Variants in COPS5 observed in about 807,000 individuals in gnomAD.
COPS5 encodes the protein COP9 signalosome complex subunit 5.
In COPS5, 8 loss-of-function variants were observed where a neutral mutation model predicts 44.4. The ratio of observed to expected loss-of-function variants is 0.18; its 90% CI spans 0.11 to 0.32. COPS5 has a LOEUF of 0.32. Ranked by LOEUF, COPS5 falls within the 10% of genes least tolerant of loss-of-function variation. The probability of loss-of-function intolerance (pLI) is 1.00; values close to 1 mark genes in which losing one functional copy is unlikely to be tolerated. For missense variants in COPS5, 159 were observed against 406.4 expected, an observed-to-expected ratio of 0.39 and a Z score of 5.23; for synonymous variants, 122 against 142.8, an observed-to-expected ratio of 0.85 and a Z score of 1.04.
intron 5 of COPS5, among the ~76,000 whole-genome samples, chr8:67,055,583 G>A (rs139351800): frequency 6.6e-6 from 1 of 151,986 alleles, no homozygotes; most frequent in Non-Finnish European, 1.5e-5. Context: ...AAAAAGGTAC[G>A]TAGGCCGGGC....
Position 67,057,534 on chromosome 8 carries a change from A to G in COPS5, c.508-89T>C. 4 of 813,776 alleles carry G rather than the reference A, an allele frequency of 4.9e-6. No individual in the cohort carries two copies. In the South Asian group the frequency reaches 7.0e-5, roughly 14 times the overall value. 50.4% of individuals were successfully genotyped at this position (813,776 alleles called of 1,614,324 possible). On this transcript the variant is annotated intron_variant, in intron 3 of 7. Transcript: ENST00000357849. ...TAAACCTAGAAATGTATACATACAT[A>G]TAACACTATATACATACATAATAAC... is the stretch of plus-strand genomic sequence containing the variant.
rs5892073 is a variant in COPS5 at position 67,050,614 on chromosome 8, AGTGTGT to A, written c.771+610_771+615del. Among the ~76,000 whole-genome samples, 1,191 of 141,144 alleles carry A rather than the reference AGTGTGT, an allele frequency of 8.4e-3. 17 individuals carry two copies. Among genetic ancestry groups the A allele is most frequent in the African/African-American group, 0.02 (774 of 38,226 alleles). 92.6% of individuals were successfully genotyped at this position (141,144 alleles called of 152,430 possible). ...TGACCTGGAAATATGTGAGTGTGAGAGTGTGTGTGTGTGTGTGTGTGTGTGTGTATC... is the reference window on the plus strand; with the variant it reads ...TGACCTGGAAATATGTGAGTGTGAGAGTGTGTGTGTGTGTGTGTGTGTATC... On this transcript the variant is annotated intron_variant, in intron 6 of 7. Transcript: ENST00000357849.
At chr8:67,053,015 A>T (rs1236762978) in intron 5 of COPS5, among the ~76,000 whole-genome samples, 1 of 151,964 alleles carries the variant, frequency 6.6e-6, no homozygotes, top group Non-Finnish European at 1.5e-5. Context: ...TGCAGCAGGG[A>T]AGATGAGAAG....
chr8:67,048,113 GA>G (rs1816722109), intron 6 of COPS5, among the ~76,000 whole-genome samples: 1 of 151,520 alleles, frequency 6.6e-6, no homozygotes, highest in African/African-American at 2.4e-5. Context: ...CTGTCTCTAT[GA>G]AAAAATATAA....
In COPS5 at chr8:67,043,212, A is replaced by C; in HGVS notation, c.*21T>G. 2 of 1,329,342 alleles carry C rather than the reference A, an allele frequency of 1.5e-6. No homozygotes were observed. The highest frequency in any genetic ancestry group is 2.1e-6 in the Non-Finnish European group (2 of 932,504). 82.3% of individuals were successfully genotyped at this position (1,329,342 alleles called of 1,614,324 possible). The stretch of plus-strand genomic sequence containing the variant: ...ATTTTTCTCATACTGTCTTTCAGGT[A>C]AAGTACTTCTCAGAGACTGTTTAAG... On this transcript the variant is annotated 3_prime_UTR_variant, in exon 8 of 8. Coordinates refer to ENST00000357849, the MANE Select transcript of COPS5 (RefSeq NM_006837.3).
chr8:67,043,392 C>T, intron 7 of COPS5, 75 bp from the exon 8 acceptor site: 1 of 867,254 alleles, frequency 1.2e-6, no homozygotes. Flanking sequence ...AGCCCCAATC[C>T]ATCCATGTAA....
At chr8:67,059,643 C>A (rs1379612635) in intron 1 of COPS5, 198 bp from the exon 2 acceptor site, 5 of 571,012 alleles carry the variant, frequency 8.8e-6, no homozygotes, top group African/African-American at 3.8e-5. Flanking sequence ...GCAACGTATC[C>A]CCCTTAGGGG....
chr8:67,061,195 T>TA (rs1804609126), intron 1 of COPS5: 1 of 258,300 alleles, frequency 3.9e-6, no homozygotes, highest in Admixed American at 5.1e-5. Flanking sequence ...CAAAAGGTCT[T>TA]AAGCTCTATT....
At chr8:67,059,114 AT>A in intron 2 of COPS5, 96 bp downstream of exon 2, 1 of 719,214 alleles carries the variant, frequency 1.4e-6, no homozygotes, top group Non-Finnish European at 2.3e-6. Context: ...TAAATATAAA[AT>A]TTCATGTAAA....
At chr8:67,050,001 C>CT (rs548690353) in intron 6 of COPS5, among the ~76,000 whole-genome samples, 7,206 of 138,676 alleles carry the variant, frequency 0.052, 269 homozygotes, top group African/African-American at 0.079. Flanking sequence ...GTGATACTCT[C>CT]TTTTTTTTTT....
At position 67,059,601 on chromosome 8, in the gene COPS5, C is replaced by A; in HGVS notation, c.144-156G>T. 4.9e-6 allele frequency: 3 copies of A among 616,588 alleles called. No individual in the cohort carries two copies. The South Asian group carries it at 6.0e-5, about 12-fold the overall frequency. 38.2% of individuals were successfully genotyped at this position (616,588 alleles called of 1,614,324 possible). A position where few individuals can be genotyped will look rare whatever the true frequency, so the allele number is the denominator to read the frequency against. ...AAAAAGTAAAAAAGGACAGTTTTTG[C>A]AGGCTGGAAACAATAAGTATGTCAT... On this transcript the variant is annotated intron_variant, in intron 1 of 7. Transcript: ENST00000357849.
At chr8:67,050,248 G>A (rs1177909168) in intron 6 of COPS5, among the ~76,000 whole-genome samples, 4 of 152,110 alleles carry the variant, frequency 2.6e-5, no homozygotes, top group African/African-American at 4.8e-5. Flanking sequence ...TGATCCGCCC[G>A]CCTCGGCCTC....
At chr8:67,055,107 G>T (rs1804483858) in intron 5 of COPS5, among the ~76,000 whole-genome samples, 1 of 152,202 alleles carries the variant, frequency 6.6e-6, no homozygotes, top group Non-Finnish European at 1.5e-5. Context: ...AGAGGGAACA[G>T]CAAGTGCCAG....
intron 1 of COPS5, 57 bp downstream of exon 1, chr8:67,061,797 G>A: frequency 1.3e-6 from 2 of 1,568,608 alleles, no homozygotes; most frequent in African/African-American, 1.4e-5. Flanking sequence ...CTCCCTCTGG[G>A]TCTCTTAAAC....
rs1804554433 is a variant in COPS5, at chr8:67,059,413, G to A, written c.176C>T (p.Ala59Val). The part of the protein sequence containing the change: ...HHYFKYCKIS[A>V]LALLKMVMHA... ...CATCACCATCTTCAGCAGAGCCAAT[G>A]CTGAGATTTTGCAGTACTTAAAGTA... The change falls in exon 2 of 8, where the codon GCA becomes GTA. Residue 59 changes from alanine (A) to valine (V), a missense_variant. By Grantham distance (64) the Ala-to-Val change is moderately conservative (BLOSUM62 0). Transcript: ENST00000357849. 6.2e-7 allele frequency: 1 copy of A among 1,614,024 alleles called. No individual in the cohort carries two copies. Among genetic ancestry groups the A allele is most frequent in the South Asian group, 1.1e-5 (1 of 91,086 alleles).
intron 7 of COPS5, 150 bp downstream of exon 7, chr8:67,045,661 CA>C (rs946253784): frequency 5.4e-6 from 4 of 742,370 alleles, no homozygotes; most frequent in African/African-American, 3.5e-5. Flanking sequence ...TTGTGTCTGA[CA>C]ACTCCTAAAG....
intron 6 of COPS5, among the ~76,000 whole-genome samples, chr8:67,046,824 CAAAAAAAAAAAAA>C (rs771868140): frequency 2.5e-4 from 11 of 43,732 alleles, no homozygotes; most frequent in African/African-American, 2.9e-4. Flanking sequence ...ACTCTGTCTC[CAAAAAAAAAAAAA>C]AAAAAAAAAA....
At chr8:67,056,843 G>A (rs1804521576) in intron 4 of COPS5, among the ~76,000 whole-genome samples, 2 of 151,062 alleles carry the variant, frequency 1.3e-5, no homozygotes, top group South Asian at 4.1e-4. Flanking sequence ...CCAGTTTGGT[G>A]GCTGTAGGCT....
rs759037579 is a variant in COPS5, at chr8:67,058,094, C to T, written c.496G>A (p.Val166Ile). Residue 166 changes from valine (V) to isoleucine (I), a missense_variant, in exon 3 of 8, where the codon GTA becomes ATA. By Grantham distance (29) the Val-to-Ile change is conservative. Coordinates refer to ENST00000357849, the MANE Select transcript of COPS5 (RefSeq NM_006837.3). ...MLNQQFQEPF[V>I]AVVIDPTRTI... ...TTTAAAATTCTTACCACCACTGCTA[C>T]AAATGGTTCCTGGAACTGCTGATTG... The T allele has an allele frequency of 5.0e-6, 8 of 1,613,804 alleles. No individual in the cohort carries two copies. In the East Asian group the frequency reaches 1.6e-4, roughly 31 times the overall value.
Sources: allele counts gnomAD v4.1 joint callset (sites outside exome capture counted in the v4.1 genomes callset), GRCh38; gene constraint gnomAD v4.1.1; transcripts MANE v1.5; gene names NCBI Gene and HGNC (gene_info 2026-07-23, HGNC 2026-07-21).